PDE10A: variants seen among roughly 807,000 people sequenced by gnomAD.
PDE10A encodes the protein cAMP and cAMP-inhibited cGMP 3',5'-cyclic phosphodiesterase 10A.
PDE10A carries 39 observed loss-of-function variants against 97.7 expected under a neutral mutation model. That is an observed-to-expected ratio of 0.40 (90% CI 0.31 to 0.52). PDE10A has a LOEUF of 0.52. PDE10A is among the 20% of genes least tolerant of loss of function. The probability of loss-of-function intolerance (pLI) is 0.56; values close to 1 mark genes in which losing one functional copy is unlikely to be tolerated. For missense variants in PDE10A, 731 were observed against 1,047.8 expected (o/e 0.70, Z 4.17); for synonymous variants, 371 against 376.8 (o/e 0.98, Z 0.18).
intron 18 of PDE10A, among the ~76,000 whole-genome samples, chr6:165,344,294 G>A (rs1338047125): frequency 6.6e-6 from 1 of 152,154 alleles, no homozygotes; most frequent in East Asian, 1.9e-4. Flanking sequence ...CCTAAGTGAA[G>A]TCTCTACTTA....
At chr6:165,361,158 T>C (rs1783395000) in intron 18 of PDE10A, among the ~76,000 whole-genome samples, 1 of 152,150 alleles carries the variant, frequency 6.6e-6, no homozygotes, top group Non-Finnish European at 1.5e-5. Flanking sequence ...AATGCGTTCA[T>C]CAAGGTTTCA....
chr6:165,696,492 A>C (rs2128442860), intron 1 of PDE10A, among the ~76,000 whole-genome samples: 1 of 152,284 alleles, frequency 6.6e-6, no homozygotes, highest in South Asian at 2.1e-4. Context: ...CAGATTTAAA[A>C]AACATAGTAT....
chr6:165,413,328 T>C (rs912234061), intron 13 of PDE10A, among the ~76,000 whole-genome samples, 173 bp downstream of exon 13: 1 of 152,094 alleles, frequency 6.6e-6, no homozygotes, highest in African/African-American at 2.4e-5. Context: ...TTATTTTTCC[T>C]TCCAGGGCAT....
chr6:165,745,680 T>C (rs1792827179), intron 1 of PDE10A, among the ~76,000 whole-genome samples: 1 of 152,272 alleles, frequency 6.6e-6, no homozygotes. Flanking sequence ...TACCTTTCTC[T>C]GTTCCTTTTT....
At position 165,846,643 on chromosome 6, in the gene PDE10A, G is replaced by A. The variant is rs936080759; in HGVS notation, c.-615+140886C>T. ...AAAGGAAGGCCAGACAATCCTCTGA[G>A]GAATCCGAAAAAGGAGAGCTGTTTC... On this transcript the variant is annotated intron_variant, in intron 1 of 19. Transcript: ENST00000366882. Among the ~76,000 whole-genome samples the A allele has an allele frequency of 6.6e-5, 10 of 152,326 alleles. No individual in the cohort carries two copies. The South Asian group carries it at 1.9e-3, about 28-fold the overall frequency.
intron 2 of PDE10A, among the ~76,000 whole-genome samples, chr6:165,485,221 T>C (rs539205): frequency 0.29 from 44,282 of 151,846 alleles, 6,838 homozygotes; most frequent in African/African-American, 0.39. Flanking sequence ...CCTGTAATCC[T>C]AGCACTTTGA....
At chr6:165,465,900 A>T (rs1778616698) in intron 3 of PDE10A, among the ~76,000 whole-genome samples, 1 of 152,228 alleles carries the variant, frequency 6.6e-6, no homozygotes, top group Admixed American at 6.5e-5. Context: ...CGAAGTTTAG[A>T]GAATGCATCT....
At chr6:165,710,573 T>G (rs921785991) in intron 1 of PDE10A, among the ~76,000 whole-genome samples, 1 of 152,212 alleles carries the variant, frequency 6.6e-6, no homozygotes, top group African/African-American at 2.4e-5. Context: ...TTAGAAAATT[T>G]GCTTCCAAAG....
rs1383351853 is a variant in PDE10A, at chr6:165,435,220, A to G, written c.1335+17T>C. 6.2e-7 allele frequency: 1 copy of G among 1,600,158 alleles called. No individual in the cohort carries two copies. Among genetic ancestry groups the G allele is most frequent in the African/African-American group, 1.3e-5 (1 of 74,436 alleles). ...CTTTAGGTCAAAAGTGTCACAAAGA[A>G]TCAAAAAGCCACTTACTCCAAGGAT... On this transcript the variant is annotated intron_variant, in intron 6 of 21. Coordinates refer to ENST00000539869, the MANE Select transcript of PDE10A (RefSeq NM_001385079.1).
intron 1 of PDE10A, among the ~76,000 whole-genome samples, chr6:165,615,330 C>T (rs1787681088): frequency 6.6e-6 from 1 of 151,914 alleles, no homozygotes; most frequent in African/African-American, 2.4e-5. Context: ...TGAATCATAA[C>T]AATTATGTAC....
intron 1 of PDE10A, among the ~76,000 whole-genome samples, chr6:165,727,283 T>C (rs1174073299): frequency 6.6e-6 from 1 of 152,216 alleles, no homozygotes; most frequent in Non-Finnish European, 1.5e-5. Context: ...GGCGCCAGAT[T>C]TCCCTTCGCT....
chr6:165,560,906 T>C (rs1194093174), intron 1 of PDE10A, among the ~76,000 whole-genome samples: 1 of 152,062 alleles, frequency 6.6e-6, no homozygotes, highest in South Asian at 2.1e-4. Context: ...AGAGTTCTCA[T>C]GAGATCTGGT....
At chr6:165,431,615 A>T in intron 7 of PDE10A, 143 bp from the exon 8 acceptor site, 1 of 266,684 alleles carries the variant, frequency 3.7e-6, no homozygotes, top group Non-Finnish European at 6.7e-6. Flanking sequence ...TATATATCAT[A>T]CATAACATAT....
chr6:165,934,299 C>G (rs200887391), intron 1 of PDE10A, among the ~76,000 whole-genome samples: 1 of 151,984 alleles, frequency 6.6e-6, no homozygotes, highest in Non-Finnish European at 1.5e-5. Flanking sequence ...TGCGCCCAGC[C>G]TCAATCACCT....
At chr6:165,429,088 C>G (rs1255920330) in intron 9 of PDE10A, among the ~76,000 whole-genome samples, 1 of 152,024 alleles carries the variant, frequency 6.6e-6, no homozygotes, top group Non-Finnish European at 1.5e-5. Context: ...TTTAAATGTG[C>G]TAAATCTCAT....
intron 18 of PDE10A, among the ~76,000 whole-genome samples, chr6:165,360,234 C>G (rs1171638018): frequency 2.6e-5 from 4 of 152,122 alleles, no homozygotes; most frequent in Non-Finnish European, 4.4e-5. Flanking sequence ...GTGGCACTCT[C>G]AACTGCTCTG....
In PDE10A at chr6:165,397,632, G is replaced by A. The variant is rs535883941; in HGVS notation, c.2077-1173C>T. 2.6e-4 allele frequency among the ~76,000 whole-genome samples: 38 copies of A among 148,290 alleles called. No individual in the cohort carries two copies. In the Middle Eastern group the frequency reaches 0.011, roughly 43 times the overall value. On this transcript the variant is annotated intron_variant, in intron 13 of 21. Coordinates refer to ENST00000539869, the MANE Select transcript of PDE10A (RefSeq NM_001385079.1). ...CAGGAGAATCGCTTGAACCTGGGAGGTAGTGATTGCAGTGAGCCAAGATGG... is the reference window on the plus strand; with the variant it reads ...CAGGAGAATCGCTTGAACCTGGGAGATAGTGATTGCAGTGAGCCAAGATGG...
chr6:165,434,482 T>C (rs1789849789), intron 6 of PDE10A, among the ~76,000 whole-genome samples: 1 of 152,330 alleles, frequency 6.6e-6, no homozygotes, highest in East Asian at 1.9e-4. Flanking sequence ...ACATGTACTG[T>C]GGAGGACTAG....
chr6:165,617,332 G>T (rs1451722513), intron 1 of PDE10A, among the ~76,000 whole-genome samples: 2 of 152,136 alleles, frequency 1.3e-5, no homozygotes, highest in African/African-American at 4.8e-5. Context: ...ACACTCTTAA[G>T]TTCAATATGA....
Sources: gnomAD v4.1 joint callset for allele counts (sites outside exome capture counted in the v4.1 genomes callset) on GRCh38, gnomAD v4.1.1 for gene constraint, MANE v1.5 for transcripts, NCBI Gene and HGNC (gene_info 2026-07-23, HGNC 2026-07-21) for gene names.